SPAG16: variants seen among roughly 807,000 people sequenced by gnomAD.
The protein encoded by SPAG16 is sperm-associated antigen 16 protein.
SPAG16 carries 86 observed loss-of-function variants against 80.4 expected under a neutral mutation model. The ratio of observed to expected loss-of-function variants is 1.07; its 90% CI spans 0.90 to 1.28. The LOEUF (loss-of-function observed/expected upper bound fraction) is 1.28, where lower values mean the gene tolerates loss of function less well. Ranked by LOEUF, SPAG16 falls within the 50% of genes most tolerant of loss-of-function variation. The pLI, the probability that SPAG16 is intolerant of heterozygous loss-of-function variation, is 0.00. For missense variants in SPAG16, 870 were observed against 765.3 expected (o/e 1.14, Z -1.61); for synonymous variants, 294 against 265.9 (o/e 1.11, Z -1.03).
chr2:213,715,266 A>ATCTATCTG (rs3076744), intron 10 of SPAG16, among the ~76,000 whole-genome samples: 14,645 of 150,986 alleles, frequency 0.097, 842 homozygotes, highest in Non-Finnish European at 0.12. Flanking sequence ...CTATCTATCT[A>ATCTATCTG]TCCATTCATC....
rs143711613 is a variant in SPAG16, at chr2:214,103,085, T to C, written c.1528-5111T>C. ...ATATGCATGCCCATCTGAGGTTTTT[T>C]CCTTTCTCCAGTGGCATGTGCCCCC... On this transcript the variant is annotated intron_variant, in intron 13 of 15. Coordinates refer to ENST00000331683, the MANE Select transcript of SPAG16 (RefSeq NM_024532.5). Among the ~76,000 whole-genome samples, 28 of 152,252 alleles carry C rather than the reference T, an allele frequency of 1.8e-4. No individual in the cohort carries two copies. The East Asian group carries it at 5.2e-3, about 28-fold the overall frequency.
intron 12 of SPAG16, among the ~76,000 whole-genome samples, chr2:213,955,551 C>G (rs78421979): frequency 6.6e-6 from 1 of 152,248 alleles, no homozygotes; most frequent in East Asian, 1.9e-4. Context: ...ACATGTCTAT[C>G]CTTATAATAG....
chr2:213,939,510 A>C (rs2106282325), intron 12 of SPAG16, among the ~76,000 whole-genome samples: 1 of 152,346 alleles, frequency 6.6e-6, no homozygotes, highest in Middle Eastern at 3.4e-3. Flanking sequence ...AAACCTTCAG[A>C]GTAATAAGCC....
At chr2:213,512,190 T>G (rs78759087) in intron 10 of SPAG16, among the ~76,000 whole-genome samples, 8,908 of 152,000 alleles carry the variant, frequency 0.059, 866 homozygotes, top group African/African-American at 0.2. Flanking sequence ...TAAAATTCAA[T>G]GATGAGGGAA....
At chr2:214,249,410 G>A (rs1189358496) in intron 15 of SPAG16, among the ~76,000 whole-genome samples, 1 of 151,784 alleles carries the variant, frequency 6.6e-6, no homozygotes, top group African/African-American at 2.4e-5. Flanking sequence ...AGAAGGAGAA[G>A]GAAGAGGAGG....
At chr2:213,432,796 T>C (rs2070386087) in intron 9 of SPAG16, among the ~76,000 whole-genome samples, 1 of 152,022 alleles carries the variant, frequency 6.6e-6, no homozygotes. Context: ...AGGACAGCAC[T>C]AAAATAGAAA....
At chr2:213,369,683 C>A (rs1367764520) in intron 8 of SPAG16, among the ~76,000 whole-genome samples, 1 of 152,064 alleles carries the variant, frequency 6.6e-6, no homozygotes, top group African/African-American at 2.4e-5. Context: ...CTGGTCACTG[C>A]CTCTGTCTTG....
chr2:213,778,792 T>C (rs982373712), intron 10 of SPAG16, among the ~76,000 whole-genome samples: 11 of 152,220 alleles, frequency 7.2e-5, no homozygotes, highest in African/African-American at 2.4e-4. Context: ...CCAAGCAAAC[T>C]TCTCTTATGC....
At chr2:213,965,474 A>G (rs1397486883) in intron 12 of SPAG16, among the ~76,000 whole-genome samples, 3 of 152,180 alleles carry the variant, frequency 2.0e-5, no homozygotes, top group Non-Finnish European at 2.9e-5. Flanking sequence ...ACCTCAGGGC[A>G]TAAGTTGCTC....
chr2:213,582,228 T>C (rs1056164498), intron 10 of SPAG16, among the ~76,000 whole-genome samples: 1 of 152,166 alleles, frequency 6.6e-6, no homozygotes, highest in African/African-American at 2.4e-5. Flanking sequence ...AACTTTGTAG[T>C]GTAAGTAATA....
intron 10 of SPAG16, among the ~76,000 whole-genome samples, chr2:213,686,536 A>G (rs2064681312): frequency 6.6e-6 from 1 of 152,108 alleles, no homozygotes; most frequent in Non-Finnish European, 1.5e-5. Flanking sequence ...GTATCTTTGT[A>G]TTAAAGGGAG....
At chr2:214,081,898 G>T (rs1206282207) in intron 13 of SPAG16, among the ~76,000 whole-genome samples, 1 of 151,980 alleles carries the variant, frequency 6.6e-6, no homozygotes, top group East Asian at 1.9e-4. Flanking sequence ...GGGAAAGAGG[G>T]TGGGGCAAAT....
chr2:213,496,165 G>A (rs73988522), intron 10 of SPAG16, among the ~76,000 whole-genome samples: 2 of 152,070 alleles, frequency 1.3e-5, no homozygotes, highest in African/African-American at 4.8e-5. Context: ...TCCAAGAAAA[G>A]TATAAGGTTT....
At chr2:214,307,116 G>A (rs1388771607) in intron 15 of SPAG16, among the ~76,000 whole-genome samples, 1 of 152,106 alleles carries the variant, frequency 6.6e-6, no homozygotes, top group Non-Finnish European at 1.5e-5. Flanking sequence ...GTCTCGGGAA[G>A]AGGTATATGT....
chr2:214,220,129 A>G (rs2058530550), intron 15 of SPAG16, among the ~76,000 whole-genome samples: 1 of 152,132 alleles, frequency 6.6e-6, no homozygotes, highest in South Asian at 2.1e-4. Flanking sequence ...AGAAGACTGT[A>G]AATAGGATTT....
At chr2:213,871,838 T>TCACACACACACACA (rs1045988177) in intron 11 of SPAG16, among the ~76,000 whole-genome samples, 2 of 101,878 alleles carry the variant, frequency 2.0e-5, no homozygotes, top group African/African-American at 6.8e-5. Context: ...CTCAGGAAAT[T>TCACACACACACACA]CACACACACA....
chr2:214,059,206 A>ATGTATGTG (rs1160801165), intron 13 of SPAG16, among the ~76,000 whole-genome samples: 169 of 96,298 alleles, frequency 1.8e-3, no homozygotes, highest in African/African-American at 6.0e-3. Flanking sequence ...ATATATATAT[A>ATGTATGTG]TATATATATG....
chr2:214,036,194 GT>G (rs1252216705), intron 13 of SPAG16, among the ~76,000 whole-genome samples: 2 of 152,002 alleles, frequency 1.3e-5, no homozygotes, highest in Non-Finnish European at 2.9e-5. Flanking sequence ...TTATTTGAAT[GT>G]TCAAATTGTC....
At chr2:214,019,640 A>G (rs1401932376) in intron 13 of SPAG16, among the ~76,000 whole-genome samples, 1 of 152,208 alleles carries the variant, frequency 6.6e-6, no homozygotes, top group African/African-American at 2.4e-5. Context: ...TGTCTGCTCT[A>G]CAGTTCATCC....
Sources: gnomAD v4.1 joint callset for allele counts (sites outside exome capture counted in the v4.1 genomes callset) on GRCh38, gnomAD v4.1.1 for gene constraint, MANE v1.5 for transcripts, NCBI Gene and HGNC (gene_info 2026-07-23, HGNC 2026-07-21) for gene names.